The following DDX43 variants were observed in gnomAD, a reference collection of about 807,000 sequenced individuals.
DDX43 encodes the protein probable ATP-dependent RNA helicase DDX43.
DDX43 carries 50 observed loss-of-function variants against 84.9 expected under a neutral mutation model. The observed-to-expected ratio is 0.59, with a 90% CI of 0.47 to 0.75. The LOEUF is 0.75. DDX43 is among the 30% of genes least tolerant of loss of function. The pLI is 0.00. For missense variants in DDX43, 689 were observed against 798.6 expected (o/e 0.86, Z 1.65); for synonymous variants, 291 against 266.3 (o/e 1.09, Z -0.90).
rs199532707 is a variant in DDX43 at position 73,404,677 on chromosome 6, G to A, written c.569-13G>A. 6.5e-4 allele frequency: 1,044 copies of A among 1,598,496 alleles called. 9 individuals carry two copies. Among genetic ancestry groups the A allele is most frequent in the South Asian group, 2.6e-3 (226 of 88,578 alleles). On this transcript the variant is annotated splice_polypyrimidine_tract_variant and intron_variant, in intron 4 of 16. Transcript: ENST00000370336. ...AAAATTTATCAAAGTGTGGATTTTC[G>A]CCTTTGTCCCAGATTTACCACCAAT...
At chr6:73,412,313 ATTGT>A (rs530075143) in intron 11 of DDX43, 21 bp downstream of exon 11, 3 of 1,579,798 alleles carry the variant, frequency 1.9e-6, no homozygotes, top group South Asian at 1.2e-5. Flanking sequence ...TTTTATTACT[ATTGT>A]TTAACATTTC....
At chr6:73,400,184 T>C (rs1769537872) in intron 2 of DDX43, 50 bp from the exon 3 acceptor site, 1 of 1,526,478 alleles carries the variant, frequency 6.6e-7, no homozygotes, top group East Asian at 2.3e-5. Flanking sequence ...GAACTTTTTA[T>C]GTTTTTTAGG....
chr6:73,408,320 A>G (rs979712950), intron 9 of DDX43, among the ~76,000 whole-genome samples: 1 of 151,932 alleles, frequency 6.6e-6, no homozygotes, highest in Non-Finnish European at 1.5e-5. Flanking sequence ...CTGTAATCCC[A>G]GCTACTCTGG....
chr6:73,401,825 G>GA lies in DDX43; in HGVS notation c.437-27dup, dbSNP rs770835193. 6.6e-6 allele frequency: 8 copies of GA among 1,207,868 alleles called. 1 individual carries two copies. The highest frequency in any genetic ancestry group is 6.4e-5 in the South Asian group (4 of 62,916). The allele number at this position is 1,207,868 out of a possible 1,614,324, so 74.8% of individuals were successfully genotyped here. A position where few individuals can be genotyped will look rare whatever the true frequency, so the allele number is the denominator to read the frequency against. On this transcript the variant is annotated intron_variant, in intron 3 of 16. Transcript: ENST00000370336. ...TCAAAAAAAAAAAAAAAAAAAAATA[G>GA]AAAAAAACTAATCGATACAAATGTT...
Position 73,395,010 on chromosome 6 carries a change from G to C in DDX43, c.105G>C (p.Leu35Phe). Residue 35 changes from leucine to phenylalanine, a missense_variant, in exon 1 of 17, where the codon TTG becomes TTC. Leu to Phe is a conservative substitution (Grantham distance 22, BLOSUM62 0). Around this residue, in one of 2 missense-constraint regions of DDX43, gnomAD observed 137 missense variants for 105.9 expected, o/e 1.29. Transcript: ENST00000370336. ...RAPERRPAEELNRTGPEGYSV... is the reference protein window; with the variant it reads ...RAPERRPAEEFNRTGPEGYSV... Reference sequence around the variant, plus strand: ...CAGAGAGGAGGCCGGCGGAGGAGTTGAATCGAACAGGTCCTGAGGGATATA... The same window carrying C: ...CAGAGAGGAGGCCGGCGGAGGAGTTCAATCGAACAGGTCCTGAGGGATATA... 2 of 1,614,262 alleles carry C rather than the reference G, an allele frequency of 1.2e-6. No individual in the cohort carries two copies. The highest frequency in any genetic ancestry group is 1.1e-5 in the South Asian group (1 of 91,084).
rs1460256415 is a variant in DDX43 at position 73,395,077 on chromosome 6, C to G, written c.172C>G (p.Pro58Ala). The G allele has an allele frequency of 1.2e-6, 2 of 1,614,142 alleles. No homozygotes were observed. The highest frequency in any genetic ancestry group is 1.7e-6 in the Non-Finnish European group (2 of 1,180,000). The stretch of plus-strand genomic sequence containing the variant: ...TCGCTGGAGAGGCACCTCTAGGCCC[C>G]CGGAGGCCGTGGCCGCTGGTCACGA... ...GGRWRGTSRP[P>A]EAVAAGHEEL... is the part of the protein sequence containing the mutation. Residue 58 changes from proline (P) to alanine (A), a missense_variant, in exon 1 of 17, where the codon CCG becomes GCG. By Grantham distance (27) the Pro-to-Ala change is conservative (BLOSUM62 -1). Coordinates refer to ENST00000370336, the MANE Select transcript of DDX43 (RefSeq NM_018665.3).
intron 14 of DDX43, 53 bp from the exon 15 acceptor site, chr6:73,415,444 A>G: frequency 3.1e-6 from 4 of 1,305,730 alleles, no homozygotes; most frequent in Non-Finnish European, 4.4e-6. Flanking sequence ...CATTTGTCTT[A>G]TTCTGTATTA....
chr6:73,416,500 A>T (rs1769907362), intron 16 of DDX43, among the ~76,000 whole-genome samples: 1 of 152,224 alleles, frequency 6.6e-6, no homozygotes, highest in Non-Finnish European at 1.5e-5. Context: ...CCATCAGTGA[A>T]TGAGTAGATA....
At chr6:73,416,332 C>A in intron 16 of DDX43, 81 bp downstream of exon 16, 1 of 638,312 alleles carries the variant, frequency 1.6e-6, no homozygotes. Context: ...TTGCAATGAG[C>A]ATGATCTCTA....
intron 1 of DDX43, among the ~76,000 whole-genome samples, chr6:73,396,109 C>G (rs1769466131): frequency 6.6e-6 from 1 of 151,902 alleles, no homozygotes; most frequent in Non-Finnish European, 1.5e-5. Context: ...ATTACGTGCG[C>G]CACCACACCT....
chr6:73,412,662 T>TGCGC (rs1457611568), intron 11 of DDX43, among the ~76,000 whole-genome samples: 14 of 86,762 alleles, frequency 1.6e-4, no homozygotes, highest in Non-Finnish European at 2.6e-4. Context: ...TGTGTGTGTG[T>TGCGC]GTGTGTGCGC....
intron 11 of DDX43, among the ~76,000 whole-genome samples, chr6:73,412,666 T>TGC (rs1389615602): frequency 0.041 from 3,469 of 84,018 alleles, 175 homozygotes; most frequent in Non-Finnish European, 0.061. Flanking sequence ...TGTGTGTGTG[T>TGC]GTGCGCGCGC....
chr6:73,401,448 T>G (rs1329791586), intron 3 of DDX43, among the ~76,000 whole-genome samples: 3 of 152,152 alleles, frequency 2.0e-5, no homozygotes, highest in Non-Finnish European at 4.4e-5. Context: ...GACAAGGTTG[T>G]CATGTTAATG....
rs541486948 is a variant in DDX43, at chr6:73,407,612, G to A, written c.1034G>A (p.Arg345Gln). 1.3e-5 allele frequency: 21 copies of A among 1,599,014 alleles called. No homozygotes were observed. The highest frequency in any genetic ancestry group is 1.7e-4 in the Middle Eastern group (1 of 6,050). Residue 345 changes from arginine (R) to glutamine (Q), a missense_variant, in exon 8 of 17, where the codon CGG becomes CAG. Arg to Gln is a conservative substitution (Grantham distance 43). This residue lies in a region of DDX43 where 552 missense variants were observed against 692.7 expected (regional missense o/e 0.80). Coordinates refer to ENST00000370336, the MANE Select transcript of DDX43 (RefSeq NM_018665.3). ...TGCAAATATTCATATAAAGGGCTTC[G>A]GAGGTAAGTAATTTTTTTTCCCATT... Reference protein sequence around the residue: ...ECCKYSYKGLRSVCVYGGGNR... With the variant: ...ECCKYSYKGLQSVCVYGGGNR...
At chr6:73,401,816 A>AG in intron 3 of DDX43, 43 bp from the exon 4 acceptor site, 1 of 1,541,746 alleles carries the variant, frequency 6.5e-7, no homozygotes, top group East Asian at 2.3e-5. Context: ...AAAAAAAAAA[A>AG]AAAAAATAGA....
chr6:73,397,514 C>A (rs1769494926), intron 1 of DDX43, among the ~76,000 whole-genome samples, 175 bp from the exon 2 acceptor site: 1 of 152,104 alleles, frequency 6.6e-6, no homozygotes, highest in South Asian at 2.1e-4. Context: ...CTCCTAAAAC[C>A]CACCAAAATT....
At chr6:73,396,427 GTAC>G (rs1562282219) in intron 1 of DDX43, among the ~76,000 whole-genome samples, 2 of 152,140 alleles carry the variant, frequency 1.3e-5, no homozygotes, top group Non-Finnish European at 2.9e-5. Flanking sequence ...ACTAATTGCT[GTAC>G]TACCCAGAGA....
At chr6:73,402,749 T>G (rs765766810) in intron 4 of DDX43, among the ~76,000 whole-genome samples, 6 of 152,140 alleles carry the variant, frequency 3.9e-5, no homozygotes, top group Non-Finnish European at 7.3e-5. Context: ...CAGATAATTT[T>G]TATGTTTTTA....
rs970313056 is a variant in DDX43 at position 73,400,218 on chromosome 6, T to C, written c.307-16T>C. Reference sequence around the variant, plus strand: ...GGGAAATTTTAAGTCTCACCTCTTTTTCCCCTTGTACCTAGATAATACAAG... The same window carrying C: ...GGGAAATTTTAAGTCTCACCTCTTTCTCCCCTTGTACCTAGATAATACAAG... On this transcript the variant is annotated splice_polypyrimidine_tract_variant and intron_variant, in intron 2 of 16. Coordinates refer to ENST00000370336, the MANE Select transcript of DDX43 (RefSeq NM_018665.3). 7.0e-6 allele frequency: 11 copies of C among 1,563,188 alleles called. No individual in the cohort carries two copies. The highest frequency in any genetic ancestry group is 9.5e-6 in the Non-Finnish European group (11 of 1,160,876).
Sources: allele counts gnomAD v4.1 joint callset (sites outside exome capture counted in the v4.1 genomes callset), GRCh38; gene constraint gnomAD v4.1.1; regional missense constraint gnomAD v4.1.1; transcripts MANE v1.5; gene names NCBI Gene and HGNC (gene_info 2026-07-23, HGNC 2026-07-21).